Variants in LLGL2 observed in about 807,000 individuals in gnomAD.
LLGL2 encodes the protein LLGL2, scribble cell polarity complex component.
In LLGL2, 81 loss-of-function variants were observed where a neutral mutation model predicts 123.2. The observed-to-expected ratio is 0.66, with a 90% CI of 0.55 to 0.79. The LOEUF is 0.79. Among genes scored for constraint, LLGL2 ranks in the 30% least tolerant of loss-of-function variants. The pLI is 0.00. For synonymous variants in LLGL2, 577 were observed against 594.1 expected, an observed-to-expected ratio of 0.97 and a Z score of 0.42; for missense variants, 1,273 against 1,414.6, an observed-to-expected ratio of 0.90 and a Z score of 1.61.
intron 1 of LLGL2, among the ~76,000 whole-genome samples, chr17:75,540,637 G>A (rs2054171839): frequency 6.6e-6 from 1 of 152,180 alleles, no homozygotes; most frequent in South Asian, 2.1e-4. Context: ...GGTGTCATTG[G>A]GCATCCTTTG....
chr17:75,559,290 C>T lies in LLGL2; in HGVS notation c.410C>T (p.Pro137Leu). 1 of 1,612,796 alleles carries T rather than the reference C, an allele frequency of 6.2e-7. No homozygotes were observed. The highest frequency in any genetic ancestry group is 2.2e-5 in the East Asian group (1 of 44,880). ...GCCACACAGATCACCGTGGTCCTGC[C>T]ACATTCCTCCTGCGAGCTGCTCTAC... ...PSATQITVVLPHSSCELLYLG... is the reference protein window; with the variant it reads ...PSATQITVVLLHSSCELLYLG... The change falls in exon 6 of 26, where the codon CCA (proline) becomes CTA (leucine). Residue 137 changes from proline to leucine, a missense_variant. Pro to Leu is a moderately conservative substitution (Grantham distance 98). Transcript: ENST00000392550. This position sits in a 1 kb window ranked among gnomAD's most constrained non-coding sequence, Gnocchi z 4.6.
intron 19 of LLGL2, 78 bp from the exon 20 acceptor site, chr17:75,572,936 G>A (rs2055792037): frequency 2.7e-6 from 4 of 1,506,228 alleles, no homozygotes; most frequent in Non-Finnish European, 3.6e-6. Context: ...ATGTGGGGAG[G>A]GGAGGGCCCA....
At chr17:75,569,896 A>T in intron 14 of LLGL2, 67 bp from the exon 15 acceptor site, 1 of 1,500,236 alleles carries the variant, frequency 6.7e-7, no homozygotes, top group Non-Finnish European at 8.9e-7. Flanking sequence ...TGTCCCCACT[A>T]GTAGCATCCT....
In LLGL2 at chr17:75,564,857, T is replaced by G; in HGVS notation, c.1036+350T>G. 1.8e-5 allele frequency: 3 copies of G among 170,474 alleles called. No individual in the cohort carries two copies. The highest frequency in any genetic ancestry group is 3.3e-5 in the Non-Finnish European group (3 of 91,160). The allele number at this position is 170,474 out of a possible 1,614,324, so 10.6% of individuals were successfully genotyped here. On this transcript the variant is annotated intron_variant, in intron 10 of 25. Coordinates refer to ENST00000392550, the MANE Select transcript of LLGL2 (RefSeq NM_001031803.2). The surrounding 1 kb of genome is among the most constrained non-coding windows in gnomAD (Gnocchi z 4.9). ...CAGCCTGGGTGACATAGCCAGACTG[T>G]GTCTCAAAAAAAAAAAAAAAAAGGG... is the stretch of plus-strand genomic sequence containing the variant.
At chr17:75,527,160 C>A (rs942601290) in intron 1 of LLGL2, among the ~76,000 whole-genome samples, 29 of 90,710 alleles carry the variant, frequency 3.2e-4, no homozygotes, top group African/African-American at 1.4e-3. Context: ...AGAGTGAGAC[C>A]CTGTCTCAAA....
Position 75,564,450 on chromosome 17 carries a change from G to T in LLGL2, c.979G>T (p.Asp327Tyr), listed in dbSNP as rs749188667. ...VIHDGQQTAF[D>Y]FTSRVIGFTV... ...CCACGATGGCCAGCAGACGGCCTTC[G>T]ACTTCACCTCCCGTGTCATCGGCTT... The change falls in exon 10 of 26, where the codon GAC becomes TAC. Residue 327 changes from aspartate to tyrosine, a missense_variant. Physicochemically the swap from Asp to Tyr is radical, Grantham distance 160. Coordinates refer to ENST00000392550, the MANE Select transcript of LLGL2 (RefSeq NM_001031803.2). This position sits in a 1 kb window ranked among gnomAD's most constrained non-coding sequence, Gnocchi z 4.9. 1 of 1,613,492 alleles carries T rather than the reference G, an allele frequency of 6.2e-7. No homozygotes were observed. Among genetic ancestry groups the T allele is most frequent in the Non-Finnish European group, 8.5e-7 (1 of 1,180,002 alleles).
chr17:75,572,738 GA>G (rs1213989648), intron 19 of LLGL2, among the ~76,000 whole-genome samples: 1 of 150,320 alleles, frequency 6.7e-6, no homozygotes, highest in Non-Finnish European at 1.5e-5. Context: ...TGAGGCAGAA[GA>G]ATTGCCTGAG....
intron 6 of LLGL2, among the ~76,000 whole-genome samples, chr17:75,560,802 TAAA>T (rs372940306): frequency 0.094 from 8,963 of 95,456 alleles, 570 homozygotes; most frequent in African/African-American, 0.18. Context: ...GTTTATTTAT[TAAA>T]AAAAAAAAAA....
intron 16 of LLGL2, 139 bp from the exon 17 acceptor site, chr17:75,570,811 G>T: frequency 8.6e-7 from 1 of 1,160,506 alleles, no homozygotes; most frequent in South Asian, 1.5e-5. Context: ...CTTGGACAAG[G>T]GTCCCTCTAG....
intron 1 of LLGL2, among the ~76,000 whole-genome samples, chr17:75,529,784 C>T (rs2053709037): frequency 2.6e-5 from 4 of 151,822 alleles, no homozygotes; most frequent in Admixed American, 2.6e-4. Flanking sequence ...TCGCTGGAAC[C>T]CAGGAGGCGG....
rs2055107642 is a variant in LLGL2, at chr17:75,559,625, G to A, written c.530+215G>A. 6.6e-6 allele frequency among the ~76,000 whole-genome samples: 1 copy of A among 152,238 alleles called. No individual in the cohort carries two copies. Among genetic ancestry groups the A allele is most frequent in the Admixed American group, 6.5e-5 (1 of 15,292 alleles). ...CATAGCACTAAAAAGGGGGCTTTGA[G>A]GGTCCCTCGTCTAAAGGCCCCAAAT... On this transcript the variant is annotated intron_variant, in intron 6 of 25. Coordinates refer to ENST00000392550, the MANE Select transcript of LLGL2 (RefSeq NM_001031803.2). This position sits in a 1 kb window ranked among gnomAD's most constrained non-coding sequence, Gnocchi z 4.6.
intron 6 of LLGL2, chr17:75,562,367 G>C (rs1213281264): frequency 6.5e-6 from 1 of 153,194 alleles, no homozygotes; most frequent in Non-Finnish European, 1.5e-5. Context: ...CATAGAAATA[G>C]AACTTTGATG....
intron 3 of LLGL2, among the ~76,000 whole-genome samples, chr17:75,556,408 T>C (rs575805975): frequency 2.4e-4 from 36 of 152,302 alleles, no homozygotes; most frequent in African/African-American, 8.7e-4. Flanking sequence ...ACTGAGGAGA[T>C]ACAGGCTTAT....
chr17:75,565,392 A>G (rs961556654), intron 10 of LLGL2, among the ~76,000 whole-genome samples: 58 of 152,294 alleles, frequency 3.8e-4, no homozygotes, highest in African/African-American at 1.4e-3. Context: ...TGTTCAGGAC[A>G]CCTGGTCTGT....
chr17:75,550,428 A>C (rs2054612772), intron 2 of LLGL2, among the ~76,000 whole-genome samples: 1 of 130,262 alleles, frequency 7.7e-6, no homozygotes, highest in Admixed American at 8.4e-5. Context: ...AGGGAAGCTA[A>C]GCCTTACAAG....
intron 1 of LLGL2, among the ~76,000 whole-genome samples, chr17:75,530,649 CAAAAAA>C (rs35452644): frequency 7.3e-6 from 1 of 137,270 alleles, no homozygotes; most frequent in Admixed American, 7.6e-5. Context: ...GACTCCATTT[CAAAAAA>C]AAAAAAAAAA....
chr17:75,543,224 G>T (rs950372644), intron 1 of LLGL2, 173 bp from the exon 2 acceptor site: 3 of 421,660 alleles, frequency 7.1e-6, no homozygotes, highest in African/African-American at 2.0e-5. Context: ...CCGGCCTCTA[G>T]ATCTGAGCGT....
At chr17:75,530,113 C>A (rs968637491) in intron 1 of LLGL2, among the ~76,000 whole-genome samples, 2 of 152,298 alleles carry the variant, frequency 1.3e-5, no homozygotes, top group East Asian at 3.9e-4. Flanking sequence ...TGTCCCAGGC[C>A]TTTGGGTGGG....
In LLGL2 at chr17:75,549,514, G is replaced by A. The variant is rs1360852895; in HGVS notation, c.75+6013G>A. ...GTGTTCCTGACCCAGCAGCCCCTGC[G>A]GAGGGCCAGGTTGTTCTGTATTGGC... On this transcript the variant is annotated intron_variant, in intron 2 of 25. Coordinates refer to ENST00000392550, the MANE Select transcript of LLGL2 (RefSeq NM_001031803.2). The surrounding 1 kb of genome is among the most constrained non-coding windows in gnomAD (Gnocchi z 4.0). 6.6e-6 allele frequency among the ~76,000 whole-genome samples: 1 copy of A among 152,056 alleles called. No individual in the cohort carries two copies. The highest frequency in any genetic ancestry group is 1.5e-5 in the Non-Finnish European group (1 of 67,998).
Sources: allele counts gnomAD v4.1 joint callset (sites outside exome capture counted in the v4.1 genomes callset), GRCh38; gene constraint gnomAD v4.1.1; non-coding constraint Gnocchi (gnomAD v3.1); transcripts MANE v1.5; gene names NCBI Gene and HGNC (gene_info 2026-07-23, HGNC 2026-07-21).